The following UBE2W variants were observed in gnomAD, a reference collection of about 807,000 sequenced individuals.
The protein encoded by UBE2W is ubiquitin-conjugating enzyme E2 W.
In UBE2W, 18 loss-of-function variants were observed where a neutral mutation model predicts 27.2. The observed-to-expected ratio is 0.66, with a 90% confidence interval of 0.46 to 0.98. The LOEUF (loss-of-function observed/expected upper bound fraction) is 0.98. UBE2W is among the 50% of genes least tolerant of loss of function. UBE2W has a pLI of 0.00. For missense variants in UBE2W, 90 were observed against 180.2 expected, an observed-to-expected ratio of 0.50 and a Z score of 2.87; for synonymous variants, 53 against 57.2, an observed-to-expected ratio of 0.93 and a Z score of 0.33.
chr8:73,870,392 GAAAA>G (rs573042877), intron 1 of UBE2W: 6 of 858,664 alleles, frequency 7.0e-6, no homozygotes, highest in Admixed American at 4.0e-5. Flanking sequence ...CTAGAAATCA[GAAAA>G]AAAAAAAAGA....
chr8:73,829,379 T>A (rs990047337), intron 2 of UBE2W, among the ~76,000 whole-genome samples: 3 of 152,142 alleles, frequency 2.0e-5, no homozygotes, highest in African/African-American at 7.2e-5. Context: ...TGGGATATAA[T>A]CTGCATCAGG....
At position 73,793,944 on chromosome 8, in the gene UBE2W, C is replaced by A; in HGVS notation, c.*158G>T. On this transcript the variant is annotated 3_prime_UTR_variant, in exon 6 of 6. Transcript: ENST00000602593. ...CTGGACTGAACCAGCGATCAACATG[C>A]GCCCAGAATGCACACGAGTAAAAAT... The A allele has an allele frequency of 1.4e-6, 2 of 1,452,922 alleles. No homozygotes were observed. The highest frequency in any genetic ancestry group is 1.8e-6 in the Non-Finnish European group (2 of 1,100,646). 90.0% of individuals were successfully genotyped at this position (1,452,922 alleles called of 1,614,324 possible).
At chr8:73,834,380 AT>A (rs1563603657) in intron 1 of UBE2W, among the ~76,000 whole-genome samples, 1 of 152,210 alleles carries the variant, frequency 6.6e-6, no homozygotes, top group African/African-American at 2.4e-5. Context: ...GATCACGTAC[AT>A]TTTTTTAAAA....
In UBE2W at chr8:73,805,472, C is replaced by CAAAAAAAAA; in HGVS notation, c.442+178_442+179insTTTTTTTTT. ...TCCATCTCAAAAAAAAAAAAAAAAA[C>CAAAAAAAAA]AAAAAAAACTAGGGTAATTCATCCA... On this transcript the variant is annotated intron_variant, in intron 5 of 5. Coordinates refer to ENST00000602593, the MANE Select transcript of UBE2W (RefSeq NM_018299.6). Among the ~76,000 whole-genome samples, 159 of 43,658 alleles carry CAAAAAAAAA rather than the reference C, an allele frequency of 3.6e-3. 6 individuals are homozygous for CAAAAAAAAA. The highest frequency in any genetic ancestry group is 7.4e-3 in the South Asian group (8 of 1,074). The allele number at this position is 43,658 out of a possible 152,430, so 28.6% of individuals were successfully genotyped here.
intron 1 of UBE2W, among the ~76,000 whole-genome samples, chr8:73,856,858 A>G (rs372218654): frequency 1.2e-3 from 182 of 152,112 alleles, no homozygotes; most frequent in African/African-American, 4.0e-3. Context: ...GGCATGTGCC[A>G]CCACACCTGG....
rs1808288519 is a variant in UBE2W, at chr8:73,793,596, A to C, written c.*506T>G. On this transcript the variant is annotated 3_prime_UTR_variant, in exon 6 of 6. Coordinates refer to ENST00000602593, the MANE Select transcript of UBE2W (RefSeq NM_018299.6). ...ATCACAGTGCATAGAATCCAAATAT[A>C]AACAGTTGGGGTGACTTTTAAAGTA... is the stretch of plus-strand genomic sequence containing the variant. 1 of 986,040 alleles carries C rather than the reference A, an allele frequency of 1.0e-6. No homozygotes were observed. 61.1% of individuals were successfully genotyped at this position (986,040 alleles called of 1,614,324 possible). A position where few individuals can be genotyped will look rare whatever the true frequency, so the allele number is the denominator to read the frequency against.
At chr8:73,813,567 T>C (rs988413762) in intron 3 of UBE2W, among the ~76,000 whole-genome samples, 6 of 152,184 alleles carry the variant, frequency 3.9e-5, no homozygotes, top group African/African-American at 7.2e-5. Flanking sequence ...TTGCATGTAA[T>C]AGGTAACCCT....
intron 1 of UBE2W, among the ~76,000 whole-genome samples, chr8:73,842,060 T>C (rs1810554635): frequency 6.6e-6 from 1 of 152,098 alleles, no homozygotes; most frequent in South Asian, 2.1e-4. Flanking sequence ...CGAACACAAA[T>C]ATAAATCCTG....
intron 1 of UBE2W, among the ~76,000 whole-genome samples, chr8:73,838,787 T>C (rs1810411545): frequency 1.3e-5 from 2 of 152,176 alleles, no homozygotes; most frequent in South Asian, 2.1e-4. Flanking sequence ...CAAGAATCAC[T>C]GTAAAGGTTG....
intron 1 of UBE2W, among the ~76,000 whole-genome samples, chr8:73,843,526 C>T (rs1428753074): frequency 6.6e-6 from 1 of 152,038 alleles, no homozygotes; most frequent in Admixed American, 6.6e-5. Flanking sequence ...GTCCTAGCTA[C>T]TCCGGAAACT....
chr8:73,798,787 A>T (rs770733313), intron 5 of UBE2W, among the ~76,000 whole-genome samples: 38 of 152,186 alleles, frequency 2.5e-4, no homozygotes, highest in Non-Finnish European at 5.1e-4. Context: ...TGAGGCCTCA[A>T]TCATTCATTT....
At chr8:73,850,725 TAAAAA>T (rs11318665) in intron 1 of UBE2W, among the ~76,000 whole-genome samples, 2 of 63,590 alleles carry the variant, frequency 3.1e-5, no homozygotes, top group African/African-American at 1.1e-4. Context: ...AGCAGGACAT[TAAAAA>T]AAAAAAAAAA....
At chr8:73,805,472 C>CAAAAAAAACAAAAACAAAAAAAAAAAA (rs1554579996) in intron 5 of UBE2W, among the ~76,000 whole-genome samples, 179 bp downstream of exon 5, 1 of 43,676 alleles carries the variant, frequency 2.3e-5, no homozygotes, top group African/African-American at 6.0e-5. Context: ...AAAAAAAAAA[C>CAAAAAAAACAAAAACAAAAAAAAAAAA]AAAAAAAACT....
In UBE2W at chr8:73,789,854, T is replaced by C; in HGVS notation, c.*4248A>G. 1 of 885,808 alleles carries C rather than the reference T, an allele frequency of 1.1e-6. No homozygotes were observed. The highest frequency in any genetic ancestry group is 1.4e-6 in the Non-Finnish European group (1 of 739,536). 54.9% of individuals were successfully genotyped at this position (885,808 alleles called of 1,614,324 possible). A position where few individuals can be genotyped will look rare whatever the true frequency, so the allele number is the denominator to read the frequency against. ...TCCGTCTCAAAAATAAATAAATAAA[T>C]AAATAATAAAAATAATCATTCCACA... On this transcript the variant is annotated 3_prime_UTR_variant, in exon 6 of 6. Coordinates refer to ENST00000602593, the MANE Select transcript of UBE2W (RefSeq NM_018299.6).
chr8:73,831,436 A>G (rs6988527), intron 1 of UBE2W: 17,560 of 157,892 alleles, frequency 0.11, 3,243 homozygotes, highest in African/African-American at 0.39. Context: ...TTCACTCAAC[A>G]AAAAGATCCT....
At chr8:73,800,796 A>G (rs1808604372) in intron 5 of UBE2W, among the ~76,000 whole-genome samples, 1 of 152,196 alleles carries the variant, frequency 6.6e-6, no homozygotes, top group African/African-American at 2.4e-5. Flanking sequence ...TAACTCTAAG[A>G]AAAATAACTT....
At chr8:73,860,057 C>G (rs1586536633) in intron 1 of UBE2W, among the ~76,000 whole-genome samples, 1 of 148,940 alleles carries the variant, frequency 6.7e-6, no homozygotes, top group East Asian at 2.0e-4. Flanking sequence ...ATCAATGAAG[C>G]AAGACCTAAA....
chr8:73,863,272 TTTG>T (rs1408421669), intron 1 of UBE2W, among the ~76,000 whole-genome samples: 8 of 144,424 alleles, frequency 5.5e-5, no homozygotes, highest in African/African-American at 2.2e-4. Context: ...GTTCATGTCC[TTTG>T]TAGGGACATG....
intron 1 of UBE2W, among the ~76,000 whole-genome samples, chr8:73,839,834 C>T (rs982261560): frequency 1.3e-5 from 2 of 148,410 alleles, no homozygotes; most frequent in African/African-American, 5.0e-5. Context: ...CGGGCTCAAG[C>T]GATTCTCATG....
Sources: gnomAD v4.1 joint callset for allele counts (sites outside exome capture counted in the v4.1 genomes callset) on GRCh38, gnomAD v4.1.1 for gene constraint, MANE v1.5 for transcripts, NCBI Gene and HGNC (gene_info 2026-07-23, HGNC 2026-07-21) for gene names.